Variants in CYP2C8 observed in about 807,000 individuals in gnomAD.
The protein encoded by CYP2C8 is cytochrome P450 2C8.
In CYP2C8, 51 loss-of-function variants were observed where a neutral mutation model predicts 41.3. That is an observed-to-expected ratio of 1.24 (90% confidence interval 0.99 to 1.56). The LOEUF (loss-of-function observed/expected upper bound fraction) is 1.56, where lower values mean the gene tolerates loss of function less well. Among genes scored for constraint, CYP2C8 ranks in the 40% most tolerant of loss-of-function variants. The pLI is 0.00. For missense variants in CYP2C8, 651 were observed against 579.9 expected (o/e 1.12, Z -1.26); for synonymous variants, 218 against 205.8 (o/e 1.06, Z -0.51).
intron 4 of CYP2C8, among the ~76,000 whole-genome samples, chr10:95,061,499 A>AT (rs1196778690): frequency 6.6e-6 from 1 of 151,996 alleles, no homozygotes; most frequent in African/African-American, 2.4e-5. Context: ...CCCCTTTATC[A>AT]TTTTTTATTG....
In CYP2C8 at chr10:95,045,864, T is replaced by G; in HGVS notation, c.907A>C (p.Ser303Arg). 1 of 1,614,122 alleles carries G rather than the reference T, an allele frequency of 6.2e-7. No individual in the cohort carries two copies. Among genetic ancestry groups the G allele is most frequent in the Non-Finnish European group, 8.5e-7 (1 of 1,179,940 alleles). ...AGGAGTCCATATCTCAGAGTGGTGC[T>G]TGTTGTCTCTGTTCCAGCAACAAAT... Reference protein sequence around the residue: ...DLFVAGTETTSTTLRYGLLLL... With the variant: ...DLFVAGTETTRTTLRYGLLLL... Residue 303 changes from serine to arginine, a missense_variant, in exon 6 of 9, where the codon AGC becomes CGC. Physicochemically the swap from Ser to Arg is moderately radical, Grantham distance 110 (BLOSUM62 -1). Transcript: ENST00000371270.
intron 4 of CYP2C8, among the ~76,000 whole-genome samples, chr10:95,062,730 G>T (rs1484839282): frequency 6.6e-6 from 1 of 152,038 alleles, no homozygotes; most frequent in Non-Finnish European, 1.5e-5. Context: ...AGTTTCTTCC[G>T]AGCCTTGATG....
At chr10:95,049,372 C>T (rs2033170870) in intron 5 of CYP2C8, among the ~76,000 whole-genome samples, 1 of 152,128 alleles carries the variant, frequency 6.6e-6, no homozygotes, top group South Asian at 2.1e-4. Context: ...AGAAAAAATA[C>T]TATTGAATTA....
intron 4 of CYP2C8, among the ~76,000 whole-genome samples, chr10:95,061,258 A>G (rs1215126532): frequency 1.3e-5 from 2 of 152,166 alleles, no homozygotes; most frequent in African/African-American, 4.8e-5. Flanking sequence ...TTGGCTGTGA[A>G]TCCACCTGGT....
intron 4 of CYP2C8, among the ~76,000 whole-genome samples, chr10:95,060,289 T>A (rs2033399994): frequency 1.2e-4 from 18 of 152,218 alleles, no homozygotes; most frequent in Non-Finnish European, 1.3e-4. Context: ...GGAATGTTCT[T>A]CCATTTGTTT....
chr10:95,050,442 G>T (rs564708171), intron 5 of CYP2C8, among the ~76,000 whole-genome samples: 1 of 152,240 alleles, frequency 6.6e-6, no homozygotes, highest in Admixed American at 6.5e-5. Flanking sequence ...GCCAGGGAAT[G>T]GTTGCAGCAA....
Position 95,045,866 on chromosome 10 carries a change from G to A in CYP2C8, c.905C>T (p.Thr302Ile). The A allele has an allele frequency of 1.2e-6, 2 of 1,614,066 alleles. No individual in the cohort carries two copies. Among genetic ancestry groups the A allele is most frequent in the South Asian group, 1.1e-5 (1 of 91,076 alleles). The change falls in exon 6 of 9, where the codon ACA becomes ATA. Residue 302 changes from threonine (T) to isoleucine (I), a missense_variant. Thr to Ile is a moderately conservative substitution (Grantham distance 89). Coordinates refer to ENST00000371270, the MANE Select transcript of CYP2C8 (RefSeq NM_000770.3). The part of the protein sequence containing the change: ...ADLFVAGTET[T>I]STTLRYGLLL... Reference sequence around the variant, plus strand: ...GAGTCCATATCTCAGAGTGGTGCTTGTTGTCTCTGTTCCAGCAACAAATAG... The same window carrying A: ...GAGTCCATATCTCAGAGTGGTGCTTATTGTCTCTGTTCCAGCAACAAATAG...
At chr10:95,064,546 G>A (rs978469571) in intron 4 of CYP2C8, among the ~76,000 whole-genome samples, 5 of 152,142 alleles carry the variant, frequency 3.3e-5, no homozygotes, top group African/African-American at 1.2e-4. Context: ...TGCTTGGCTA[G>A]GAAAGGGAAT....
intron 3 of CYP2C8, 21 bp from the exon 4 acceptor site, chr10:95,064,981 A>T (rs7098376): frequency 0.27 from 381,237 of 1,424,566 alleles, 53,108 homozygotes; most frequent in African/African-American, 0.28. Context: ...AAAAATTTTT[A>T]AAAAAATTAT....
intron 7 of CYP2C8, 37 bp downstream of exon 7, chr10:95,042,852 AG>A (rs1427645549): frequency 6.4e-7 from 1 of 1,565,560 alleles, no homozygotes. Flanking sequence ...TGGAAATTTC[AG>A]AAGTACAGAA....
intron 7 of CYP2C8, among the ~76,000 whole-genome samples, chr10:95,041,462 C>T (rs1010463272): frequency 6.6e-6 from 1 of 152,298 alleles, no homozygotes; most frequent in African/African-American, 2.4e-5. Flanking sequence ...TTTAGAACAG[C>T]CAGAAGGAAG....
At chr10:95,057,536 T>C (rs1009019807) in intron 5 of CYP2C8, among the ~76,000 whole-genome samples, 1 of 152,082 alleles carries the variant, frequency 6.6e-6, no homozygotes, top group Non-Finnish European at 1.5e-5. Context: ...GACTCATACT[T>C]TTTGATTTGA....
chr10:95,039,017 G>C lies in CYP2C8; in HGVS notation c.1171C>G (p.Leu391Val), dbSNP rs74454169. 3 of 1,613,636 alleles carry C rather than the reference G, an allele frequency of 1.9e-6. No individual in the cohort carries two copies. In the East Asian group the frequency reaches 6.7e-5, roughly 36 times the overall value. Reference sequence around the variant, plus strand: ...TTGTCATCATGTAGCACGGAAGTCAGTAATGCCATTATGGTTGTGCCCTGG... The same window carrying C: ...TTGTCATCATGTAGCACGGAAGTCACTAATGCCATTATGGTTGTGCCCTGG... Reference protein sequence around the residue: ...IPKGTTIMALLTSVLHDDKEF... With the variant: ...IPKGTTIMALVTSVLHDDKEF... Residue 391 changes from leucine (L) to valine (V), a missense_variant, in exon 8 of 9, where the codon CTG (leucine) becomes GTG (valine). By Grantham distance (32) the Leu-to-Val change is conservative. Transcript: ENST00000371270.
chr10:95,056,616 A>G (rs549422453), intron 5 of CYP2C8, among the ~76,000 whole-genome samples: 18 of 152,324 alleles, frequency 1.2e-4, no homozygotes, highest in African/African-American at 4.1e-4. Context: ...TTGACCCTCC[A>G]TATCATTATG....
At chr10:95,048,082 C>G (rs545797840) in intron 5 of CYP2C8, among the ~76,000 whole-genome samples, 2 of 152,092 alleles carry the variant, frequency 1.3e-5, no homozygotes, top group Admixed American at 6.6e-5. Context: ...CAGGGTTTCA[C>G]CTCTGCCAGC....
intron 7 of CYP2C8, 166 bp from the exon 8 acceptor site, chr10:95,039,204 G>A (rs1198796154): frequency 1.5e-6 from 1 of 651,952 alleles, no homozygotes; most frequent in South Asian, 1.7e-5. Flanking sequence ...GTGGAAGCTT[G>A]CTAAAGAGCT....
intron 4 of CYP2C8, among the ~76,000 whole-genome samples, chr10:95,059,300 A>C (rs368630061): frequency 6.6e-5 from 10 of 152,082 alleles, no homozygotes; most frequent in Non-Finnish European, 1.0e-4. Flanking sequence ...TCCTCTCCAG[A>C]ACCTGTTGTT....
chr10:95,039,139 GA>G, intron 7 of CYP2C8, 101 bp from the exon 8 acceptor site: 1 of 1,094,948 alleles, frequency 9.1e-7, no homozygotes, highest in South Asian at 1.3e-5. Flanking sequence ...TATAGATGAG[GA>G]AACTCAGGTC....
chr10:95,068,047 C>T (rs944870879), intron 1 of CYP2C8, among the ~76,000 whole-genome samples: 4 of 152,224 alleles, frequency 2.6e-5, no homozygotes, highest in Admixed American at 2.6e-4. Flanking sequence ...AAGCTCCAAA[C>T]TGGAATCTCT....
Sources: gnomAD v4.1 joint callset for allele counts (sites outside exome capture counted in the v4.1 genomes callset) on GRCh38, gnomAD v4.1.1 for gene constraint, MANE v1.5 for transcripts, NCBI Gene and HGNC (gene_info 2026-07-23, HGNC 2026-07-21) for gene names.